WRN: variants seen among roughly 807,000 people sequenced by gnomAD.
The protein encoded by WRN is WRN RecQ like helicase.
Under a neutral mutation model 180.7 loss-of-function variants are expected in WRN, and 149 were observed. That is an observed-to-expected ratio of 0.82 (90% CI 0.72 to 0.94). The LOEUF (loss-of-function observed/expected upper bound fraction) is 0.94. Ranked by LOEUF, WRN falls within the 40% of genes least tolerant of loss-of-function variation. WRN has a pLI of 0.00. For synonymous variants in WRN, 548 were observed against 568.9 expected (o/e 0.96, Z 0.52); for missense variants, 1,661 against 1,700.1 (o/e 0.98, Z 0.40).
chr8:31,122,860 G>GTTTTTTT (rs71206298), intron 21 of WRN, among the ~76,000 whole-genome samples: 21 of 69,482 alleles, frequency 3.0e-4, no homozygotes, highest in East Asian at 4.7e-4. Context: ...TTCTTTTCTT[G>GTTTTTTT]TTTTTTTTTT....
intron 1 of WRN, among the ~76,000 whole-genome samples, chr8:31,038,186 A>G (rs1483633753): frequency 6.6e-6 from 1 of 152,064 alleles, no homozygotes; most frequent in Non-Finnish European, 1.5e-5. Flanking sequence ...CTGTTTTTCC[A>G]TGGGAGCAGT....
At chr8:31,165,380 C>A (rs565997466) in intron 33 of WRN, among the ~76,000 whole-genome samples, 1 of 151,978 alleles carries the variant, frequency 6.6e-6, no homozygotes, top group Non-Finnish European at 1.5e-5. Flanking sequence ...TTTATATGGT[C>A]TTTCTAAAAC....
chr8:31,060,706 T>TA lies in WRN; in HGVS notation c.209+1445dup, dbSNP rs1237943659. Among the ~76,000 whole-genome samples the TA allele has an allele frequency of 5.3e-5, 8 of 152,354 alleles. No homozygotes were observed. The East Asian group carries it at 1.5e-3, about 29-fold the overall frequency. On this transcript the variant is annotated intron_variant, in intron 3 of 34. Coordinates refer to ENST00000298139, the MANE Select transcript of WRN (RefSeq NM_000553.6). ...TACTGAATTAGTTTCACAGAGGAGGTAAAATCTGTTGTTTATGATTACATA... is the reference window on the plus strand; with the variant it reads ...TACTGAATTAGTTTCACAGAGGAGGTAAAAATCTGTTGTTTATGATTACATA...
chr8:31,134,248 C>G (rs750867583), intron 24 of WRN, among the ~76,000 whole-genome samples: 1 of 151,968 alleles, frequency 6.6e-6, no homozygotes, highest in African/African-American at 2.4e-5. Flanking sequence ...CTTTAACCAA[C>G]TTAGGAAAAA....
At chr8:31,109,729 A>G (rs1801233048) in intron 18 of WRN, among the ~76,000 whole-genome samples, 1 of 152,144 alleles carries the variant, frequency 6.6e-6, no homozygotes, top group Admixed American at 6.6e-5. Flanking sequence ...TGGCACTGTT[A>G]TTGTAGCCAT....
intron 28 of WRN, among the ~76,000 whole-genome samples, chr8:31,145,426 T>C (rs1802820494): frequency 6.6e-6 from 1 of 152,178 alleles, no homozygotes; most frequent in Non-Finnish European, 1.5e-5. Context: ...ATGATACCTG[T>C]TTACAGCATG....
chr8:31,085,562 A>T (rs998578905), intron 11 of WRN, among the ~76,000 whole-genome samples: 5 of 151,476 alleles, frequency 3.3e-5, no homozygotes, highest in African/African-American at 9.7e-5. Flanking sequence ...CTTCACCTCC[A>T]GGGCTGAAGT....
chr8:31,070,193 A>G (rs1812854188), intron 7 of WRN, among the ~76,000 whole-genome samples: 1 of 151,706 alleles, frequency 6.6e-6, no homozygotes, highest in Non-Finnish European at 1.5e-5. Context: ...CAACCTAATA[A>G]CTAAGATTAC....
intron 21 of WRN, among the ~76,000 whole-genome samples, chr8:31,121,912 C>T (rs1801739033): frequency 6.6e-6 from 1 of 151,854 alleles, no homozygotes; most frequent in African/African-American, 2.4e-5. Context: ...TGGGATAGAA[C>T]ACAGCTGTAC....
chr8:31,134,275 T>C (rs1802309606), intron 24 of WRN, among the ~76,000 whole-genome samples: 1 of 152,214 alleles, frequency 6.6e-6, no homozygotes, highest in South Asian at 2.1e-4. Flanking sequence ...TCTTTGTACA[T>C]GATTTTGAGC....
intron 13 of WRN, 59 bp from the exon 14 acceptor site, chr8:31,090,406 T>A: frequency 6.7e-7 from 1 of 1,499,304 alleles, no homozygotes; most frequent in Non-Finnish European, 9.3e-7. Flanking sequence ...TGGATTTTAA[T>A]TTGTACCTTG....
chr8:31,090,884 ATT>A lies in WRN; in HGVS notation c.1772_1773del (p.Ile591ArgfsTer19). On this transcript the variant is annotated frameshift_variant, in exon 15 of 35. Coordinates refer to ENST00000298139, the MANE Select transcript of WRN (RefSeq NM_000553.6). LOFTEE classifies it high-confidence loss of function. ...FQYPPVYVGKIGLVISPLISL... is the reference protein window; with the variant it reads ...FQYPPVYVGKXGLVISPLISL... The stretch of plus-strand genomic sequence containing the variant: ...GTATCCACCTGTTTATGTAGGCAAG[ATT>A]GGCCTTGTTATCTCTCCCCTTATTT... 1 of 1,613,042 alleles carries A rather than the reference ATT, an allele frequency of 6.2e-7. No homozygotes were observed. The highest frequency in any genetic ancestry group is 8.5e-7 in the Non-Finnish European group (1 of 1,179,320).
intron 10 of WRN, among the ~76,000 whole-genome samples, chr8:31,084,762 TA>T (rs1364657215): frequency 6.6e-6 from 1 of 152,228 alleles, no homozygotes; most frequent in Non-Finnish European, 1.5e-5. Flanking sequence ...GCAATCTTTT[TA>T]AAATCAGTGG....
intron 28 of WRN, among the ~76,000 whole-genome samples, chr8:31,144,785 A>C (rs1245060430): frequency 6.6e-6 from 1 of 152,250 alleles, no homozygotes; most frequent in Non-Finnish European, 1.5e-5. Flanking sequence ...TAGTTTGCAA[A>C]GGCAAAAGTT....
chr8:31,130,176 CAACA>C (rs1417985885), intron 23 of WRN, among the ~76,000 whole-genome samples: 2 of 6,682 alleles, frequency 3.0e-4, no homozygotes, highest in Non-Finnish European at 2.7e-3. Flanking sequence ...TTAATAACAA[CAACA>C]AAAAAAACTG....
At chr8:31,064,491 A>G (rs1185523959) in intron 4 of WRN, 57 bp downstream of exon 4, 3 of 1,610,190 alleles carry the variant, frequency 1.9e-6, no homozygotes, top group Non-Finnish European at 2.5e-6. Flanking sequence ...TGTCAACTTT[A>G]TCCCTATAAA....
At chr8:31,149,716 C>A (rs1188274802) in intron 30 of WRN, among the ~76,000 whole-genome samples, 1 of 151,932 alleles carries the variant, frequency 6.6e-6, no homozygotes, top group Admixed American at 6.5e-5. Context: ...CTCAGGCAAT[C>A]CACCCGCCCC....
At chr8:31,101,972 A>G (rs568244854) in intron 18 of WRN, among the ~76,000 whole-genome samples, 7 of 151,958 alleles carry the variant, frequency 4.6e-5, no homozygotes, top group African/African-American at 1.4e-4. Context: ...TGTACCTTTC[A>G]TCCAGTTTCC....
chr8:31,071,434 A>G (rs1407897237), intron 7 of WRN, among the ~76,000 whole-genome samples: 1 of 152,212 alleles, frequency 6.6e-6, no homozygotes, highest in Non-Finnish European at 1.5e-5. Context: ...AGTAATGGCA[A>G]CTTGAGTCGG....
Sources: gnomAD v4.1 joint callset for allele counts (sites outside exome capture counted in the v4.1 genomes callset) on GRCh38, gnomAD v4.1.1 for gene constraint, MANE v1.5 for transcripts, NCBI Gene and HGNC (gene_info 2026-07-23, HGNC 2026-07-21) for gene names.